DMGDH: variants seen among roughly 807,000 people sequenced by gnomAD.
DMGDH encodes the protein dimethylglycine dehydrogenase, mitochondrial.
A neutral mutation model predicts 95.2 loss-of-function variants in DMGDH; 76 were observed. The ratio of observed to expected loss-of-function variants is 0.80; its 90% CI spans 0.66 to 0.97. The LOEUF is 0.97. DMGDH is among the 50% of genes least tolerant of loss of function. DMGDH has a pLI of 0.00. For synonymous variants in DMGDH, 345 were observed against 377.6 expected, an observed-to-expected ratio of 0.91 and a Z score of 1.00; for missense variants, 987 against 1,055.0, an observed-to-expected ratio of 0.94 and a Z score of 0.89.
chr5:79,038,540 C>G (rs752195998), intron 7 of DMGDH, among the ~76,000 whole-genome samples: 1 of 152,140 alleles, frequency 6.6e-6, no homozygotes, highest in Non-Finnish European at 1.5e-5. Flanking sequence ...GATGAAGGAA[C>G]AGAATTGAGA....
chr5:79,004,816 A>C (rs1245696672), intron 15 of DMGDH, among the ~76,000 whole-genome samples: 1 of 152,208 alleles, frequency 6.6e-6, no homozygotes, highest in Non-Finnish European at 1.5e-5. Context: ...TTTATTTTCT[A>C]AGGTTTTACC....
chr5:79,033,338 AAGG>A lies in DMGDH; in HGVS notation c.1261_1263del (p.Pro421del), dbSNP rs1369777967. ...TTAGGATCCAATTCTATCAGATCAA[AAGG>A]AGGTTCTCCATGCAGGATCCAGTCA... On this transcript the variant is annotated inframe_deletion, in exon 8 of 16. Transcript: ENST00000255189. 1.9e-6 allele frequency: 3 copies of A among 1,614,110 alleles called. No individual in the cohort carries two copies. Among genetic ancestry groups the A allele is most frequent in the Non-Finnish European group, 1.7e-6 (2 of 1,180,052 alleles).
chr5:79,032,601 G>T, intron 9 of DMGDH, 86 bp downstream of exon 9: 2 of 1,553,016 alleles, frequency 1.3e-6, no homozygotes, highest in Non-Finnish European at 1.8e-6. Flanking sequence ...TGGAGCAATG[G>T]AGTGTAAGGC....
intron 7 of DMGDH, among the ~76,000 whole-genome samples, chr5:79,034,221 G>A (rs919828062): frequency 2.0e-5 from 3 of 152,110 alleles, no homozygotes; most frequent in Non-Finnish European, 4.4e-5. Context: ...TGACCTGTGC[G>A]CAAGGAACTT....
chr5:79,010,555 A>C (rs1311843773), intron 14 of DMGDH, among the ~76,000 whole-genome samples: 1 of 152,190 alleles, frequency 6.6e-6, no homozygotes, highest in Non-Finnish European at 1.5e-5. Context: ...TGATGATGGA[A>C]TGCTGTCCCC....
chr5:79,044,564 A>C lies in DMGDH; in HGVS notation c.746-12T>G, dbSNP rs778967087. 1 of 1,613,646 alleles carries C rather than the reference A, an allele frequency of 6.2e-7. No homozygotes were observed. Among genetic ancestry groups the C allele is most frequent in the South Asian group, 1.1e-5 (1 of 91,076 alleles). On this transcript the variant is annotated splice_polypyrimidine_tract_variant and intron_variant, in intron 5 of 15. Coordinates refer to ENST00000255189, the MANE Select transcript of DMGDH (RefSeq NM_013391.3). The stretch of plus-strand genomic sequence containing the variant: ...ACGAGCCCAAAATCCTTAAACAAAA[A>C]AATCATTTAAAAGTGTCAGCCCATA...
In DMGDH at chr5:79,031,098, ACGGGCAGCGGGGAG is replaced by A. The variant is rs1199195594; in HGVS notation, c.1518-114_1518-101del. ...AAGCCCTACTCATCTAGAAAATCCT[ACGGGCAGCGGGGAG>A]TGGGACTATGGGAGGCGAGACCATG... is the stretch of plus-strand genomic sequence containing the variant. On this transcript the variant is annotated intron_variant, in intron 9 of 15. Transcript: ENST00000255189. 1.2e-5 allele frequency: 15 copies of A among 1,263,218 alleles called. No homozygotes were observed. In the African/African-American group the frequency reaches 1.7e-4, roughly 14 times the overall value. The allele number at this position is 1,263,218 out of a possible 1,614,324, so 78.3% of individuals were successfully genotyped here. A position where few individuals can be genotyped will look rare whatever the true frequency, so the allele number is the denominator to read the frequency against.
intron 1 of DMGDH, among the ~76,000 whole-genome samples, chr5:79,065,550 G>T (rs1352132485): frequency 6.6e-6 from 1 of 152,036 alleles, no homozygotes; most frequent in Non-Finnish European, 1.5e-5. Context: ...CCTTCTTCAG[G>T]AATACCTCCT....
intron 2 of DMGDH, among the ~76,000 whole-genome samples, chr5:79,056,839 A>G (rs1312611352): frequency 1.3e-5 from 2 of 152,184 alleles, no homozygotes. Context: ...TGGGTGACAG[A>G]GTGAGACTCT....
In DMGDH at chr5:79,039,441, G is replaced by C. The variant is rs545627018; in HGVS notation, c.1193+2842C>G. 3.3e-5 allele frequency among the ~76,000 whole-genome samples: 5 copies of C among 151,996 alleles called. No individual in the cohort carries two copies. The East Asian group carries it at 9.7e-4, about 29-fold the overall frequency. On this transcript the variant is annotated intron_variant, in intron 7 of 15. Coordinates refer to ENST00000255189, the MANE Select transcript of DMGDH (RefSeq NM_013391.3). The stretch of plus-strand genomic sequence containing the variant: ...ATGAAATTGGAAATCATCATTCTCA[G>C]TAAACTATCGCAACGACAAAAAACC...
intron 14 of DMGDH, among the ~76,000 whole-genome samples, chr5:79,017,066 G>T (rs1226766380): frequency 6.6e-6 from 1 of 151,998 alleles, no homozygotes; most frequent in African/African-American, 2.4e-5. Flanking sequence ...AGACCTAAAT[G>T]TAAAAAGTAA....
intron 5 of DMGDH, among the ~76,000 whole-genome samples, chr5:79,045,893 T>G (rs1331467478): frequency 2.0e-5 from 3 of 152,202 alleles, no homozygotes. Flanking sequence ...TATGTACTTG[T>G]GTGTGTAAGT....
At chr5:79,038,553 C>G (rs1754413698) in intron 7 of DMGDH, among the ~76,000 whole-genome samples, 1 of 152,042 alleles carries the variant, frequency 6.6e-6, no homozygotes, top group South Asian at 2.1e-4. Context: ...AATTGAGAGT[C>G]TAGAAATCAA....
At chr5:79,048,552 C>T (rs1391544525) in intron 5 of DMGDH, among the ~76,000 whole-genome samples, 1 of 152,080 alleles carries the variant, frequency 6.6e-6, no homozygotes, top group Non-Finnish European at 1.5e-5. Context: ...GGAAACATTC[C>T]ACCAGCCACA....
At chr5:79,016,131 G>A (rs1432445460) in intron 14 of DMGDH, among the ~76,000 whole-genome samples, 1 of 151,986 alleles carries the variant, frequency 6.6e-6, no homozygotes, top group Admixed American at 6.6e-5. Context: ...CCAGCTACTT[G>A]GGAGGCTGAG....
At chr5:79,066,243 T>C (rs976456000) in intron 1 of DMGDH, among the ~76,000 whole-genome samples, 1 of 152,196 alleles carries the variant, frequency 6.6e-6, no homozygotes, top group Admixed American at 6.5e-5. Flanking sequence ...ACTTCCTTTG[T>C]GTTTTATGAC....
chr5:79,005,304 T>C lies in DMGDH; in HGVS notation c.2354A>G (p.Glu785Gly), dbSNP rs1156510197. The C allele has an allele frequency of 6.2e-7, 1 of 1,613,850 alleles. No individual in the cohort carries two copies. ...LTLATDDVDP[E>G]GNESIWYNGK... Reference sequence around the variant, plus strand: ...ATTGTACCAGATGCTTTCATTTCCCTCTGGATCAACATCATCCGTTGCCAA... The same window carrying C: ...ATTGTACCAGATGCTTTCATTTCCCCCTGGATCAACATCATCCGTTGCCAA... The change falls in exon 15 of 16, where the codon GAG becomes GGG. Residue 785 changes from glutamate (E) to glycine (G), a missense_variant. Transcript: ENST00000255189.
At chr5:79,055,751 A>C in intron 3 of DMGDH, 59 bp downstream of exon 3, 1 of 1,143,614 alleles carries the variant, frequency 8.7e-7, no homozygotes, top group Non-Finnish European at 1.3e-6. Flanking sequence ...ATCCTTCAGA[A>C]ATCTTACATG....
At position 79,043,857 on chromosome 5, in the gene DMGDH, C is replaced by G. The variant is rs1229764627; in HGVS notation, c.994+447G>C. ...GTACTCCATTTACAGTACCAAAAAC[C>G]CTGCTCTGTTATAGACTCTTGGGTT... On this transcript the variant is annotated intron_variant, in intron 6 of 15. Transcript: ENST00000255189. Among the ~76,000 whole-genome samples the G allele has an allele frequency of 2.6e-5, 4 of 152,308 alleles. No individual in the cohort carries two copies. In the East Asian group the frequency reaches 7.7e-4, roughly 29 times the overall value.
Sources: allele counts gnomAD v4.1 joint callset (sites outside exome capture counted in the v4.1 genomes callset), GRCh38; gene constraint gnomAD v4.1.1; transcripts MANE v1.5; gene names NCBI Gene and HGNC (gene_info 2026-07-23, HGNC 2026-07-21).